The following BRF1 variants were observed in gnomAD, a reference collection of about 807,000 sequenced individuals.
BRF1 encodes transcription factor IIIB 90 kDa subunit.
In BRF1, 59 loss-of-function variants were observed where a neutral mutation model predicts 81.7. The ratio of observed to expected loss-of-function variants is 0.72; its 90% CI spans 0.59 to 0.90. The LOEUF (loss-of-function observed/expected upper bound fraction) is 0.90, where lower values mean the gene tolerates loss of function less well. BRF1 is among the 40% of genes least tolerant of loss of function. The pLI is 0.00. For missense variants in BRF1, 1,050 were observed against 936.3 expected (o/e 1.12, Z -1.58); for synonymous variants, 491 against 395.6 (o/e 1.24, Z -2.86).
At chr14:105,265,073 G>GT (rs1555387480) in intron 3 of BRF1, among the ~76,000 whole-genome samples, 3 of 131,398 alleles carry the variant, frequency 2.3e-5, no homozygotes, top group East Asian at 2.1e-4. Context: ...TTGTTTGTTT[G>GT]TTTTTTTAGA....
upstream of BRF1, among the ~76,000 whole-genome samples, chr14:105,305,577 T>G (rs1022495017): frequency 6.6e-6 from 1 of 152,152 alleles, no homozygotes; most frequent in African/African-American, 2.4e-5. Flanking sequence ...ATAAGCCACT[T>G]GGACTGTGGT....
chr14:105,221,457 T>G (rs920897012), intron 11 of BRF1, among the ~76,000 whole-genome samples, 191 bp downstream of exon 11: 2 of 152,120 alleles, frequency 1.3e-5, no homozygotes, highest in Non-Finnish European at 2.9e-5. Flanking sequence ...CACCCAATTC[T>G]TCACGCCAGG....
intron 3 of BRF1, among the ~76,000 whole-genome samples, chr14:105,266,777 T>C (rs2816622): frequency 0.28 from 41,818 of 151,056 alleles, 5,973 homozygotes; most frequent in Middle Eastern, 0.3. Context: ...GGGCGGGGGG[T>C]TCACACCTAG....
chr14:105,245,714 G>C (rs587695890), intron 5 of BRF1, among the ~76,000 whole-genome samples: 1 of 152,216 alleles, frequency 6.6e-6, no homozygotes, highest in Admixed American at 6.5e-5. Context: ...TGGGAAAACT[G>C]GATATCCACT....
intron 4 of BRF1, chr14:105,256,122 C>A: frequency 7.6e-7 from 1 of 1,312,870 alleles, no homozygotes; most frequent in Non-Finnish European, 1.0e-6. Context: ...GAGACTCCAT[C>A]TCATAAATAA....
In BRF1 at chr14:105,210,801, A is replaced by G. The variant is rs1014755349; in HGVS notation, c.1997-213T>C. Among the ~76,000 whole-genome samples, 1 of 151,708 alleles carries G rather than the reference A, an allele frequency of 6.6e-6. No homozygotes were observed. The highest frequency in any genetic ancestry group is 1.5e-5 in the Non-Finnish European group (1 of 67,920). On this transcript the variant is annotated intron_variant, in intron 17 of 17. Coordinates refer to ENST00000547530, the MANE Select transcript of BRF1 (RefSeq NM_001519.4). This position sits in a 1 kb window ranked among gnomAD's most constrained non-coding sequence, Gnocchi z 4.7. The stretch of plus-strand genomic sequence containing the variant: ...CAGGGCCTTGCTCCTCGTCGAGGGC[A>G]CCTGAGAGCAGTGTGGGCTCCCTCA...
chr14:105,272,900 A>G lies in BRF1; in HGVS notation c.266-6T>C. The G allele has an allele frequency of 6.2e-7, 1 of 1,600,432 alleles. No individual in the cohort carries two copies. Among genetic ancestry groups the G allele is most frequent in the Non-Finnish European group, 8.5e-7 (1 of 1,169,966 alleles). ...GTGGTGGATGTGGCGCCTCCCTAGGACACAGCACGAGGCAGCTCTTAGCCA... is the reference window on the plus strand; with the variant it reads ...GTGGTGGATGTGGCGCCTCCCTAGGGCACAGCACGAGGCAGCTCTTAGCCA... On this transcript the variant is annotated splice_region_variant and splice_polypyrimidine_tract_variant and intron_variant, in intron 2 of 17. Coordinates refer to ENST00000547530, the MANE Select transcript of BRF1 (RefSeq NM_001519.4).
chr14:105,254,587 G>A (rs2055775543), intron 4 of BRF1, among the ~76,000 whole-genome samples: 1 of 147,352 alleles, frequency 6.8e-6, no homozygotes, highest in Non-Finnish European at 1.5e-5. Context: ...TTGAGACAGA[G>A]TTTCACTCTT....
chr14:105,229,074 G>A (rs113382413), intron 6 of BRF1, among the ~76,000 whole-genome samples, 161 bp from the exon 7 acceptor site: 31 of 152,338 alleles, frequency 2.0e-4, no homozygotes, highest in African/African-American at 7.5e-4. Flanking sequence ...GGCTACTCCT[G>A]AACGACATGA....
At chr14:105,247,943 T>A (rs755323798) in intron 5 of BRF1, 73 of 985,318 alleles carry the variant, frequency 7.4e-5, no homozygotes, top group Non-Finnish European at 8.2e-5. Context: ...GGAGCGAGCC[T>A]GCGACTGCGA....
chr14:105,313,391 G>A (rs1271447588), intron 1 of BRF1, among the ~76,000 whole-genome samples: 1 of 152,192 alleles, frequency 6.6e-6, no homozygotes, highest in African/African-American at 2.4e-5. Context: ...TCTGCCCGCC[G>A]AGCAGCTGGC....
chr14:105,217,330 G>A (rs1363213969), intron 15 of BRF1: 10 of 720,464 alleles, frequency 1.4e-5, no homozygotes, highest in South Asian at 3.8e-5. Flanking sequence ...AGCTGGACCC[G>A]CCCGTCCGCT....
intron 1 of BRF1, among the ~76,000 whole-genome samples, chr14:105,296,808 T>C (rs1367060943): frequency 6.6e-6 from 1 of 151,634 alleles, no homozygotes; most frequent in Non-Finnish European, 1.5e-5. Context: ...GAAAACTAAA[T>C]TAAAAAAATT....
Position 105,271,824 on chromosome 14 carries a change from G to A in BRF1, c.439+897C>T, listed in dbSNP as rs971979609. On this transcript the variant is annotated intron_variant, in intron 3 of 17. Coordinates refer to ENST00000547530, the MANE Select transcript of BRF1 (RefSeq NM_001519.4). The surrounding 1 kb of genome is among the most constrained non-coding windows in gnomAD (Gnocchi z 5.5). ...TCCACGCAAGGCCAAGCTGCACACC[G>A]CTGAGGGTCGGCAGCCTCCCCGCCC... Among the ~76,000 whole-genome samples, 2 of 152,034 alleles carry A rather than the reference G, an allele frequency of 1.3e-5. No individual in the cohort carries two copies. The highest frequency in any genetic ancestry group is 4.8e-5 in the African/African-American group (2 of 41,412).
Position 105,209,472 on chromosome 14 carries a change from G to A in BRF1, c.*1079C>T. ...TCCATGGGGAGGATGAGGCCCCTGG[G>A]GGTCAGTGAGGCACGGCTCTGCCTC... On this transcript the variant is annotated 3_prime_UTR_variant, in exon 18 of 18. Transcript: ENST00000547530. The A allele has an allele frequency of 1.4e-6, 1 of 700,158 alleles. No individual in the cohort carries two copies. Among genetic ancestry groups the A allele is most frequent in the South Asian group, 1.5e-5 (1 of 67,216 alleles). 43.4% of individuals were successfully genotyped at this position (700,158 alleles called of 1,614,324 possible).
intron 6 of BRF1, among the ~76,000 whole-genome samples, chr14:105,229,590 C>G (rs1035414854): frequency 1.2e-4 from 19 of 152,244 alleles, no homozygotes; most frequent in Admixed American, 1.1e-3. Flanking sequence ...TGAGTGACAG[C>G]TGCGACCTGG....
At position 105,292,628 on chromosome 14, in the gene BRF1, G is replaced by A. The variant is rs587681157; in HGVS notation, c.185-6252C>T. On this transcript the variant is annotated intron_variant, in intron 1 of 17. Coordinates refer to ENST00000547530, the MANE Select transcript of BRF1 (RefSeq NM_001519.4). The stretch of plus-strand genomic sequence containing the variant: ...TGCCCAAAGGAGGCTGGACCAGACC[G>A]CAGTGCATCCCTGAGAGCTGGGGAC... Among the ~76,000 whole-genome samples the A allele has an allele frequency of 3.2e-4, 49 of 152,302 alleles. 1 individual carries two copies. In the East Asian group the frequency reaches 9.1e-3, roughly 28 times the overall value.
intron 11 of BRF1, among the ~76,000 whole-genome samples, 191 bp from the exon 12 acceptor site, chr14:105,220,321 C>T (rs1162775575): frequency 6.6e-6 from 1 of 152,152 alleles, no homozygotes; most frequent in African/African-American, 2.4e-5. Context: ...TAGCTCAGGA[C>T]ACTAAGCGAA....
In BRF1 at chr14:105,284,050, T is replaced by C. The variant is rs1566864306; in HGVS notation, c.265+2246A>G. Reference sequence around the variant, plus strand: ...ATCCAGTCACTGTGCCAGGTCTTCATGCACACTCTCGGTGGCAGACACAGA... The same window carrying C: ...ATCCAGTCACTGTGCCAGGTCTTCACGCACACTCTCGGTGGCAGACACAGA... On this transcript the variant is annotated intron_variant, in intron 2 of 17. Transcript: ENST00000547530. The surrounding 1 kb of genome is among the most constrained non-coding windows in gnomAD (Gnocchi z 4.0). Among the ~76,000 whole-genome samples, 1 of 151,942 alleles carries C rather than the reference T, an allele frequency of 6.6e-6. No homozygotes were observed. The highest frequency in any genetic ancestry group is 2.4e-5 in the African/African-American group (1 of 41,350).
Sources: gnomAD v4.1 joint callset for allele counts (sites outside exome capture counted in the v4.1 genomes callset) on GRCh38, gnomAD v4.1.1 for gene constraint, Gnocchi (gnomAD v3.1) non-coding constraint, MANE v1.5 for transcripts, NCBI Gene and HGNC (gene_info 2026-07-23, HGNC 2026-07-21) for gene names.